The following SYTL5 variants were observed in gnomAD, a reference collection of about 807,000 sequenced individuals.
The protein encoded by SYTL5 is synaptotagmin like 5, also known as synaptotagmin-like protein 5.
A neutral mutation model predicts 55.9 loss-of-function variants in SYTL5; 34 were observed. The ratio of observed to expected loss-of-function variants is 0.61; its 90% CI spans 0.46 to 0.81. The LOEUF (loss-of-function observed/expected upper bound fraction) is 0.81, where lower values mean the gene tolerates loss of function less well. SYTL5 is among the 30% of genes least tolerant of loss of function. SYTL5 has a pLI of 0.00. For missense variants in SYTL5, 637 were observed against 546.7 expected, an observed-to-expected ratio of 1.17 and a Z score of -1.65; for synonymous variants, 221 against 188.7, an observed-to-expected ratio of 1.17 and a Z score of -1.40.
the SYTL5 span, among the ~76,000 whole-genome samples, chrX:37,995,747 T>C: frequency 8.9e-6 from 1 of 112,520 alleles, no homozygotes; most frequent in Non-Finnish European, 1.9e-5. Context: ...CTAGGATGGG[T>C]AATGGCAGTG....
chrX:37,921,086 C>T, the SYTL5 span, among the ~76,000 whole-genome samples: 1 of 111,326 alleles, frequency 9.0e-6, no homozygotes, highest in Middle Eastern at 4.2e-3. Context: ...GCAGTGTGGC[C>T]CTTGATCTAC....
In SYTL5 at chrX:38,033,961, C is replaced by A; in HGVS notation, c.72C>A (p.Val24=). ...LDHEKEMILG[V]LKRDEYLKKV... is the part of the protein sequence containing the mutation. The stretch of plus-strand genomic sequence containing the variant: ...ATGAGAAGGAAATGATCCTGGGCGT[C>A]CTAAAGAGAGATGAATATTTGAAAA... The change falls in exon 2 of 17, where the codon GTC becomes GTA. Residue 24 remains valine (V), a synonymous_variant. Transcript: ENST00000297875. The A allele has an allele frequency of 8.4e-7, 1 of 1,195,312 alleles. No individual in the cohort carries two copies. Among genetic ancestry groups the A allele is most frequent in the South Asian group, 1.8e-5 (1 of 54,653 alleles).
intron 11 of SYTL5, among the ~76,000 whole-genome samples, chrX:38,107,248 T>C (rs1250053333): frequency 1.8e-5 from 2 of 111,634 alleles, no homozygotes; most frequent in Non-Finnish European, 3.8e-5. Context: ...TCAGGGGTTC[T>C]CAAGACCACT....
chrX:38,102,553 T>G lies in SYTL5; in HGVS notation c.1155+119T>G. The G allele has an allele frequency of 5.9e-6, 3 of 508,616 alleles. No homozygotes were observed. The South Asian group carries it at 1.0e-4, about 17-fold the overall frequency. 41.9% of individuals were successfully genotyped at this position (508,616 alleles called of 1,213,427 possible). On this transcript the variant is annotated intron_variant, in intron 10 of 16. Transcript: ENST00000297875. ...TGTGTGATAATGAGTTAAAAGTCAT[T>G]GTAAGATCCTGCTTGCCCTTTGCCC...
the SYTL5 span, among the ~76,000 whole-genome samples, chrX:37,952,887 A>G: frequency 2.7e-5 from 3 of 111,274 alleles, no homozygotes; most frequent in Admixed American, 1.9e-4. Context: ...TGAGATATGG[A>G]AAGAAGGATA....
the SYTL5 span, among the ~76,000 whole-genome samples, chrX:37,907,826 A>C: frequency 8.9e-6 from 1 of 112,615 alleles, no homozygotes; most frequent in African/African-American, 3.2e-5. Context: ...CTGTGTTCTA[A>C]ATAAATGAGA....
chrX:38,064,449 C>G (rs187433507), intron 3 of SYTL5, among the ~76,000 whole-genome samples: 1 of 110,908 alleles, frequency 9.0e-6, no homozygotes, highest in Non-Finnish European at 1.9e-5. Context: ...GGTTGAGCAG[C>G]TTTTCATATA....
At chrX:37,963,306 T>G in the SYTL5 span, among the ~76,000 whole-genome samples, 1 of 83,051 alleles carries the variant, frequency 1.2e-5, no homozygotes, top group Non-Finnish European at 2.3e-5. Context: ...TTTTTTTTTT[T>G]GAGACGGAGT....
intron 10 of SYTL5, among the ~76,000 whole-genome samples, chrX:38,103,958 T>C (rs1937144878): frequency 8.9e-6 from 1 of 112,177 alleles, no homozygotes; most frequent in African/African-American, 3.2e-5. Flanking sequence ...ATAGTATTTT[T>C]ATTTCATCCT....
the SYTL5 span, among the ~76,000 whole-genome samples, chrX:37,900,854 T>G: frequency 9.0e-6 from 1 of 111,526 alleles, no homozygotes; most frequent in African/African-American, 3.3e-5. Flanking sequence ...TTTTTTTGTG[T>G]GTGGAGGGGG....
At chrX:38,101,494 G>T (rs1016663696) in intron 9 of SYTL5, among the ~76,000 whole-genome samples, 2 of 110,755 alleles carry the variant, frequency 1.8e-5, no homozygotes. Context: ...CATAAACAAG[G>T]AGAAAGACAT....
Position 38,128,156 on chromosome X carries a change from C to T in SYTL5, c.*1426C>T, listed in dbSNP as rs982408783. On this transcript the variant is annotated 3_prime_UTR_variant, in exon 17 of 17. Coordinates refer to ENST00000297875, the MANE Select transcript of SYTL5 (RefSeq NM_138780.3). The stretch of plus-strand genomic sequence containing the variant: ...AGAAAGTTAAAGCTAGAAGGAACCT[C>T]AGGCCCAGTTGCTCATTTTGCAGAT... 1 of 112,369 alleles carries T rather than the reference C, an allele frequency of 8.9e-6. No homozygotes were observed. Among genetic ancestry groups the T allele is most frequent in the African/African-American group, 3.2e-5 (1 of 30,932 alleles). The allele number at this position is 112,369 out of a possible 1,213,427, so 9.3% of individuals were successfully genotyped here.
upstream of SYTL5, among the ~76,000 whole-genome samples, chrX:38,004,060 A>T (rs181946808): frequency 1.8e-5 from 2 of 111,974 alleles, no homozygotes; most frequent in Non-Finnish European, 3.8e-5. Flanking sequence ...CTATAGAGTT[A>T]TTCGAGCTCC....
chrX:37,989,625 A>T, the SYTL5 span, among the ~76,000 whole-genome samples: 3 of 110,249 alleles, frequency 2.7e-5, no homozygotes, highest in Non-Finnish European at 5.7e-5. Context: ...TGGATTTGAG[A>T]CTCCTTTTTC....
chrX:38,108,408 A>G (rs929640241), intron 11 of SYTL5, among the ~76,000 whole-genome samples, 192 bp from the exon 12 acceptor site: 1 of 111,522 alleles, frequency 9.0e-6, no homozygotes, highest in Non-Finnish European at 1.9e-5. Context: ...TTATCATTAT[A>G]CTTTACCACT....
At chrX:38,068,301 G>A (rs1936157462) in intron 3 of SYTL5, among the ~76,000 whole-genome samples, 1 of 112,010 alleles carries the variant, frequency 8.9e-6, no homozygotes, top group Admixed American at 9.5e-5. Flanking sequence ...GTGGAGAAAA[G>A]GAAATGCTTA....
chrX:38,046,187 C>T (rs770125457), intron 2 of SYTL5, among the ~76,000 whole-genome samples: 1 of 111,839 alleles, frequency 8.9e-6, no homozygotes, highest in Admixed American at 9.5e-5. Flanking sequence ...ATTCCACTTT[C>T]CTGTCTATAA....
At chrX:37,901,637 C>T in the SYTL5 span, among the ~76,000 whole-genome samples, 2 of 112,135 alleles carry the variant, frequency 1.8e-5, no homozygotes, top group African/African-American at 3.2e-5. Context: ...ACATGGATGA[C>T]CTTGAAAACA....
At chrX:37,928,867 C>T in the SYTL5 span, among the ~76,000 whole-genome samples, 14 of 111,558 alleles carry the variant, frequency 1.3e-4, no homozygotes, top group Admixed American at 2.9e-4. Context: ...ATTTCTTATC[C>T]GGAAGGTGGA....
Sources: allele counts gnomAD v4.1 joint callset (sites outside exome capture counted in the v4.1 genomes callset), GRCh38; gene constraint gnomAD v4.1.1; transcripts MANE v1.5; gene names NCBI Gene and HGNC (gene_info 2026-07-23, HGNC 2026-07-21).